The following PRR11 variants were observed in gnomAD, a reference collection of about 807,000 sequenced individuals.
PRR11 encodes the protein proline rich 11.
A neutral mutation model predicts 45.6 loss-of-function variants in PRR11; 30 were observed. The ratio of observed to expected loss-of-function variants is 0.66; its 90% CI spans 0.49 to 0.89. The LOEUF (loss-of-function observed/expected upper bound fraction) is 0.89, where lower values mean the gene tolerates loss of function less well. Ranked by LOEUF, PRR11 falls within the 40% of genes least tolerant of loss-of-function variation. The probability of loss-of-function intolerance (pLI) is 0.00; values close to 1 mark genes in which losing one functional copy is unlikely to be tolerated. For missense variants in PRR11, 373 were observed against 424.8 expected (o/e 0.88, Z 1.07); for synonymous variants, 128 against 153.5 (o/e 0.83, Z 1.23).
chr17:59,163,783 T>C (rs1182297489), intron 1 of PRR11: 1 of 152,174 alleles, frequency 6.6e-6, no homozygotes, highest in Non-Finnish European at 1.5e-5. Flanking sequence ...TATATCAAAT[T>C]TGGCCGGGCG....
intron 2 of PRR11, 81 bp downstream of exon 2, chr17:59,169,961 A>C: frequency 6.8e-7 from 1 of 1,478,726 alleles, no homozygotes; most frequent in Non-Finnish European, 9.1e-7. Context: ...GCAAATAAAA[A>C]TAGAAGGCAG....
chr17:59,196,906 G>A (rs1279124444), intron 7 of PRR11, among the ~76,000 whole-genome samples: 2 of 151,798 alleles, frequency 1.3e-5, no homozygotes, highest in African/African-American at 4.8e-5. Context: ...GGCTGGAGTA[G>A]TGGCACAAGC....
intron 2 of PRR11, among the ~76,000 whole-genome samples, chr17:59,183,267 C>T (rs189595251): frequency 6.6e-6 from 1 of 152,314 alleles, no homozygotes; most frequent in African/African-American, 2.4e-5. Context: ...GCTGTGTCTT[C>T]TCCACTCAAA....
chr17:59,171,031 G>A (rs1412995672), intron 2 of PRR11, among the ~76,000 whole-genome samples: 5 of 151,970 alleles, frequency 3.3e-5, no homozygotes, highest in East Asian at 1.9e-4. Flanking sequence ...AGGCCGAGGC[G>A]GGCGGATCAT....
Position 59,201,626 on chromosome 17 carries a change from A to G in PRR11, c.1078A>G (p.Asn360Asp). ...TTCTACAAGCAGCTTTGATGAACAAAACTGATGCCAACTCTGCCTCACTCC... is the reference window on the plus strand; with the variant it reads ...TTCTACAAGCAGCTTTGATGAACAAGACTGATGCCAACTCTGCCTCACTCC... Reference protein sequence around the residue: ...PLSTSSFDEQN With the variant: ...PLSTSSFDEQD Residue 360 changes from asparagine (N) to aspartate (D), a missense_variant, in exon 10 of 10, where the codon AAC becomes GAC. By Grantham distance (23) the Asn-to-Asp change is conservative. Transcript: ENST00000262293. 6.2e-7 allele frequency: 1 copy of G among 1,613,562 alleles called. No individual in the cohort carries two copies. The highest frequency in any genetic ancestry group is 8.5e-7 in the Non-Finnish European group (1 of 1,179,824).
intron 2 of PRR11, among the ~76,000 whole-genome samples, chr17:59,173,177 T>C (rs538678437): frequency 6.6e-6 from 1 of 152,324 alleles, no homozygotes; most frequent in African/African-American, 2.4e-5. Flanking sequence ...CTTTTGTGTC[T>C]AGCTCAGGGA....
chr17:59,200,915 G>A lies in PRR11; in HGVS notation c.1015-648G>A, dbSNP rs188195067. Among the ~76,000 whole-genome samples the A allele has an allele frequency of 1.7e-3, 265 of 151,460 alleles. 1 individual carries two copies. Among genetic ancestry groups the A allele is most frequent in the African/African-American group, 6.1e-3 (254 of 41,330 alleles). ...GCTGGGATTACAGGCGTGAGCCACC[G>A]TCCTCGGCCCACAACTATCTTTTTT... On this transcript the variant is annotated intron_variant, in intron 9 of 9. Coordinates refer to ENST00000262293, the MANE Select transcript of PRR11 (RefSeq NM_018304.4).
At chr17:59,180,830 T>G (rs2046781333) in intron 2 of PRR11, among the ~76,000 whole-genome samples, 1 of 150,328 alleles carries the variant, frequency 6.7e-6, no homozygotes, top group South Asian at 2.1e-4. Context: ...GAAACAGGGT[T>G]TTGTTCTGTC....
chr17:59,174,495 A>T (rs2046731314), intron 2 of PRR11, among the ~76,000 whole-genome samples: 1 of 152,138 alleles, frequency 6.6e-6, no homozygotes, highest in Admixed American at 6.5e-5. Context: ...ATTATTTTTG[A>T]GTCAGGGTCT....
intron 1 of PRR11, among the ~76,000 whole-genome samples, chr17:59,164,309 A>AT (rs1199055280): frequency 5.3e-5 from 8 of 152,076 alleles, no homozygotes; most frequent in African/African-American, 1.7e-4. Flanking sequence ...TTTCCCCTAG[A>AT]TTTTTTTATC....
Position 59,195,536 on chromosome 17 carries a change from T to C in PRR11, c.857+93T>C, listed in dbSNP as rs182593036. 74 of 792,214 alleles carry C rather than the reference T, an allele frequency of 9.3e-5. No individual in the cohort carries two copies. In the African/African-American group the frequency reaches 1.3e-3, roughly 14 times the overall value. The allele number at this position is 792,214 out of a possible 1,614,324, so 49.1% of individuals were successfully genotyped here. A position where few individuals can be genotyped will look rare whatever the true frequency, so the allele number is the denominator to read the frequency against. On this transcript the variant is annotated intron_variant, in intron 7 of 9. Transcript: ENST00000262293. ...AAGAAAAGGAAAAAAAGATTTTTTG[T>C]GTGTATTTCTAATGTTAAAAGTTAT... is the stretch of plus-strand genomic sequence containing the variant.
chr17:59,205,656 C>T lies in PRR11; in HGVS notation c.*4025C>T, dbSNP rs2046914432. Among the ~76,000 whole-genome samples the T allele has an allele frequency of 6.6e-6, 1 of 151,270 alleles. No homozygotes were observed. ...AGAGGTTGCAGTGAGCCGAGATCGC[C>T]CCATTGCACTCCAGCTTGAGCAACA... On this transcript the variant is annotated 3_prime_UTR_variant, in exon 10 of 10. Transcript: ENST00000262293.
At chr17:59,176,682 G>C (rs868053654) in intron 2 of PRR11, among the ~76,000 whole-genome samples, 27 of 107,630 alleles carry the variant, frequency 2.5e-4, no homozygotes, top group African/African-American at 1.0e-3. Flanking sequence ...TGGTTTTTTT[G>C]GCTTTTTTTT....
At chr17:59,166,926 G>A (rs1212197051) in intron 1 of PRR11, among the ~76,000 whole-genome samples, 10 of 152,130 alleles carry the variant, frequency 6.6e-5, no homozygotes, top group Admixed American at 5.9e-4. Context: ...CACTTTGGGA[G>A]GCCGAGGCAG....
At position 59,203,879 on chromosome 17, in the gene PRR11, A is replaced by G. The variant is rs1159877995; in HGVS notation, c.*2248A>G. 2.6e-5 allele frequency: 4 copies of G among 151,558 alleles called. No individual in the cohort carries two copies. The highest frequency in any genetic ancestry group is 9.7e-5 in the African/African-American group (4 of 41,264). The allele number at this position is 151,558 out of a possible 1,614,324, so 9.4% of individuals were successfully genotyped here. On this transcript the variant is annotated 3_prime_UTR_variant, in exon 10 of 10. Transcript: ENST00000262293. ...TAAATGGGTAGTGACGTTAAGAGAT[A>G]TATATCAGCTTCTAGTAAAAGTTTT...
chr17:59,160,491 G>T (rs138244192), intron 1 of PRR11, among the ~76,000 whole-genome samples: 1 of 151,976 alleles, frequency 6.6e-6, no homozygotes, highest in Non-Finnish European at 1.5e-5. Flanking sequence ...GTCTGGTCTC[G>T]AACTTGACCT....
intron 1 of PRR11, among the ~76,000 whole-genome samples, chr17:59,158,979 C>G (rs2046639117): frequency 1.3e-5 from 2 of 152,198 alleles, no homozygotes; most frequent in Admixed American, 1.3e-4. Context: ...TCCACCACAC[C>G]TGGCTAATTT....
intron 6 of PRR11, 120 bp downstream of exon 6, chr17:59,194,975 AC>A: frequency 2.7e-6 from 2 of 745,002 alleles, no homozygotes; most frequent in Non-Finnish European, 4.5e-6. Context: ...GGAGTTCAGG[AC>A]CAGCATGGGG....
At chr17:59,172,538 G>A (rs1196820487) in intron 2 of PRR11, among the ~76,000 whole-genome samples, 3 of 152,218 alleles carry the variant, frequency 2.0e-5, no homozygotes, top group Non-Finnish European at 2.9e-5. Flanking sequence ...AGGCACGGGC[G>A]GGAACCGGGG....
Sources: allele counts gnomAD v4.1 joint callset (sites outside exome capture counted in the v4.1 genomes callset), GRCh38; gene constraint gnomAD v4.1.1; transcripts MANE v1.5; gene names NCBI Gene and HGNC (gene_info 2026-07-23, HGNC 2026-07-21).